Variants in NT5DC3 observed in about 807,000 individuals in gnomAD.
The protein encoded by NT5DC3 is 5'-nucleotidase domain-containing protein 3.
In NT5DC3, 42 loss-of-function variants were observed where a neutral mutation model predicts 67.8. That is an observed-to-expected ratio of 0.62 (90% CI 0.48 to 0.80). The LOEUF is 0.80. NT5DC3 is among the 30% of genes least tolerant of loss of function. The probability of loss-of-function intolerance (pLI) is 0.00; values close to 1 mark genes in which losing one functional copy is unlikely to be tolerated. For synonymous variants in NT5DC3, 237 were observed against 255.6 expected (o/e 0.93, Z 0.69); for missense variants, 570 against 696.4 (o/e 0.82, Z 2.04).
chr12:103,759,012 C>T, the NT5DC3 span: 5 of 1,536,166 alleles, frequency 3.3e-6, no homozygotes, highest in South Asian at 1.1e-5. Context: ...TTCCTGATCT[C>T]CACATGGAGG....
intron 1 of NT5DC3, among the ~76,000 whole-genome samples, chr12:103,833,881 T>A (rs920374112): frequency 2.6e-5 from 4 of 152,108 alleles, no homozygotes; most frequent in African/African-American, 9.7e-5. Flanking sequence ...ACACGCAACA[T>A]TAAAGCACAA....
At chr12:103,782,920 A>G (rs1394346180) in intron 12 of NT5DC3, among the ~76,000 whole-genome samples, 2 of 152,182 alleles carry the variant, frequency 1.3e-5, no homozygotes, top group African/African-American at 4.8e-5. Context: ...TGGGAGGTGA[A>G]GGCTGCAGTG....
At position 103,840,989 on chromosome 12, in the gene NT5DC3, G is replaced by T; in HGVS notation, c.168C>A (p.Tyr56Ter). ...APGTAPDMKR[Y>*]LWERYREAKR... ...TCGCCTCCCGGTAGCGCTCCCACAGGTAGCGCTTCATGTCCGGGGCGGTCC... is the reference window on the plus strand; with the variant it reads ...TCGCCTCCCGGTAGCGCTCCCACAGTTAGCGCTTCATGTCCGGGGCGGTCC... The change falls in exon 1 of 14, where the codon TAC becomes TAA. Residue 56 changes from tyrosine (Y) to a stop codon, truncating the protein, a stop_gained. Transcript: ENST00000392876. LOFTEE classifies it high-confidence loss of function. 1 of 1,326,316 alleles carries T rather than the reference G, an allele frequency of 7.5e-7. No individual in the cohort carries two copies. The allele number at this position is 1,326,316 out of a possible 1,614,324, so 82.2% of individuals were successfully genotyped here.
intron 13 of NT5DC3, among the ~76,000 whole-genome samples, chr12:103,779,014 C>T (rs1024609685): frequency 6.6e-6 from 1 of 152,176 alleles, no homozygotes; most frequent in Non-Finnish European, 1.5e-5. Flanking sequence ...TCAGGAGGCT[C>T]CACTTCCCTT....
At chr12:103,785,586 G>T (rs751505566) in intron 11 of NT5DC3, 111 bp from the exon 12 acceptor site, 18 of 1,091,196 alleles carry the variant, frequency 1.6e-5, no homozygotes, top group South Asian at 1.0e-4. Context: ...GATGGTAATG[G>T]TTAGTTATTC....
At chr12:103,758,609 CCT>C in the NT5DC3 span, among the ~76,000 whole-genome samples, 1 of 152,184 alleles carries the variant, frequency 6.6e-6, no homozygotes, top group African/African-American at 2.4e-5. Flanking sequence ...CTTTCTCAAG[CCT>C]CTGTTTGGTC....
At chr12:103,840,921 GC>G in intron 1 of NT5DC3, 27 bp downstream of exon 1, 1 of 1,302,180 alleles carries the variant, frequency 7.7e-7, no homozygotes, top group Non-Finnish European at 1.0e-6. Flanking sequence ...GGCCCCAGGC[GC>G]CGGGGCGGGG....
intron 12 of NT5DC3, among the ~76,000 whole-genome samples, chr12:103,781,668 C>T (rs1017165954): frequency 2.0e-5 from 3 of 152,224 alleles, no homozygotes; most frequent in Admixed American, 6.5e-5. Context: ...TGTCCCCCTA[C>T]AAGGCCAAAC....
chr12:103,815,193 A>C, intron 1 of NT5DC3, 72 bp from the exon 2 acceptor site: 1 of 999,632 alleles, frequency 1.0e-6, no homozygotes, highest in East Asian at 2.7e-5. Context: ...AAAGAAAAAA[A>C]ATGAGTAAAC....
intron 6 of NT5DC3, among the ~76,000 whole-genome samples, chr12:103,795,623 A>G (rs1234168150): frequency 6.6e-6 from 1 of 152,160 alleles, no homozygotes; most frequent in African/African-American, 2.4e-5. Flanking sequence ...TTATAAATAT[A>G]TAACAAAAAT....
intron 1 of NT5DC3, among the ~76,000 whole-genome samples, chr12:103,822,870 A>G (rs1887547266): frequency 6.6e-6 from 1 of 152,228 alleles, no homozygotes; most frequent in Non-Finnish European, 1.5e-5. Flanking sequence ...ATTTATATGC[A>G]AACATTTTGT....
At position 103,773,511 on chromosome 12, in the gene NT5DC3, G is replaced by T. The variant is rs528749944; in HGVS notation, c.*4318C>A. On this transcript the variant is annotated 3_prime_UTR_variant, in exon 14 of 14. Coordinates refer to ENST00000392876, the MANE Select transcript of NT5DC3 (RefSeq NM_001031701.3). The stretch of plus-strand genomic sequence containing the variant: ...CTAAATGACACTAGTAGTGTCAAAG[G>T]TTAGCTGAACTTTGAGCTAAGCTCC... 2 of 152,144 alleles carry T rather than the reference G, an allele frequency of 1.3e-5. No individual in the cohort carries two copies. Among genetic ancestry groups the T allele is most frequent in the African/African-American group, 4.8e-5 (2 of 41,430 alleles). 9.4% of individuals were successfully genotyped at this position (152,144 alleles called of 1,614,324 possible). A position where few individuals can be genotyped will look rare whatever the true frequency, so the allele number is the denominator to read the frequency against.
In NT5DC3 at chr12:103,772,633, T is replaced by C. The variant is rs1349975433; in HGVS notation, c.*5196A>G. The C allele has an allele frequency of 6.6e-6, 1 of 152,474 alleles. No individual in the cohort carries two copies. Among genetic ancestry groups the C allele is most frequent in the Non-Finnish European group, 1.5e-5 (1 of 68,272 alleles). 9.4% of individuals were successfully genotyped at this position (152,474 alleles called of 1,614,324 possible). A position where few individuals can be genotyped will look rare whatever the true frequency, so the allele number is the denominator to read the frequency against. On this transcript the variant is annotated 3_prime_UTR_variant, in exon 14 of 14. Coordinates refer to ENST00000392876, the MANE Select transcript of NT5DC3 (RefSeq NM_001031701.3). The stretch of plus-strand genomic sequence containing the variant: ...TGGGCTGAGCCGGCTGGGTACAGGC[T>C]TGTCAGGGAGAGGCACTGGGCTGTA...
chr12:103,770,853 A>C (rs1350704046), downstream of NT5DC3: 1 of 152,232 alleles, frequency 6.6e-6, no homozygotes, highest in East Asian at 1.9e-4. Flanking sequence ...GTGAGCCTGT[A>C]AGCCTTTGGG....
chr12:103,753,150 A>G, the NT5DC3 span: 5 of 1,585,490 alleles, frequency 3.2e-6, no homozygotes, highest in African/African-American at 1.3e-5. Context: ...AAAGTCCTTC[A>G]GAGTCCATTG....
Position 103,773,158 on chromosome 12 carries a change from G to A in NT5DC3, c.*4671C>T, listed in dbSNP as rs1033357325. ...TGCATGTTCTCAGCAAGGGAATCTT[G>A]CCATTGCCGCCAACACAATCCATTA... On this transcript the variant is annotated 3_prime_UTR_variant, in exon 14 of 14. Coordinates refer to ENST00000392876, the MANE Select transcript of NT5DC3 (RefSeq NM_001031701.3). 1 of 152,178 alleles carries A rather than the reference G, an allele frequency of 6.6e-6. No individual in the cohort carries two copies. Among genetic ancestry groups the A allele is most frequent in the Non-Finnish European group, 1.5e-5 (1 of 68,054 alleles). 9.4% of individuals were successfully genotyped at this position (152,178 alleles called of 1,614,324 possible).
At chr12:103,819,859 A>G (rs752411756) in intron 1 of NT5DC3, 1 of 152,260 alleles carries the variant, frequency 6.6e-6, no homozygotes, top group Non-Finnish European at 1.5e-5. Flanking sequence ...ACCTTGTGCA[A>G]CCATCACCAC....
At chr12:103,751,771 TA>T in the NT5DC3 span, among the ~76,000 whole-genome samples, 110 of 152,346 alleles carry the variant, frequency 7.2e-4, 2 homozygotes, top group East Asian at 0.02. Flanking sequence ...ACCCAGACCA[TA>T]GAGTGTGGTC....
chr12:103,759,193 G>A, the NT5DC3 span: 1 of 1,614,122 alleles, frequency 6.2e-7, no homozygotes, highest in Non-Finnish European at 8.5e-7. Flanking sequence ...TTTCTACAAT[G>A]ACCTTGTCAA....
Sources: gnomAD v4.1 joint callset for allele counts (sites outside exome capture counted in the v4.1 genomes callset) on GRCh38, gnomAD v4.1.1 for gene constraint, MANE v1.5 for transcripts, NCBI Gene and HGNC (gene_info 2026-07-23, HGNC 2026-07-21) for gene names.